SGCD: variants seen among roughly 807,000 people sequenced by gnomAD.
The protein encoded by SGCD is delta-sarcoglycan.
Under a neutral mutation model 36.6 loss-of-function variants are expected in SGCD, and 18 were observed. The ratio of observed to expected loss-of-function variants is 0.49; its 90% CI spans 0.34 to 0.73. The LOEUF (loss-of-function observed/expected upper bound fraction) is 0.73. Ranked by LOEUF, SGCD falls within the 30% of genes least tolerant of loss-of-function variation. The pLI is 0.01. For synonymous variants in SGCD, 133 were observed against 130.6 expected, an observed-to-expected ratio of 1.02 and a Z score of -0.12; for missense variants, 387 against 346.7, an observed-to-expected ratio of 1.12 and a Z score of -0.92.
chr5:155,934,671 C>G (rs554287997), intron 1 of SGCD, among the ~76,000 whole-genome samples: 1 of 152,292 alleles, frequency 6.6e-6, no homozygotes, highest in Admixed American at 6.5e-5. Context: ...TTTAACTGCT[C>G]AGCATCTGAA....
At chr5:156,079,276 C>A (rs1405484744) in intron 1 of SGCD, among the ~76,000 whole-genome samples, 1 of 152,142 alleles carries the variant, frequency 6.6e-6, no homozygotes, top group Non-Finnish European at 1.5e-5. Flanking sequence ...ATCCCTCCCA[C>A]CAGGCCCCAC....
At chr5:156,478,630 G>A (rs1755295061) in intron 3 of SGCD, among the ~76,000 whole-genome samples, 1 of 152,174 alleles carries the variant, frequency 6.6e-6, no homozygotes, top group Admixed American at 6.5e-5. Context: ...TCCCAGGCTG[G>A]AGTGCAATGG....
At chr5:155,772,816 C>T in the SGCD span, among the ~76,000 whole-genome samples, 1 of 152,030 alleles carries the variant, frequency 6.6e-6, no homozygotes, top group Non-Finnish European at 1.5e-5. Context: ...GTCCCAACTT[C>T]CTACTAACCC....
At chr5:156,702,201 T>G (rs1754554582) in intron 7 of SGCD, among the ~76,000 whole-genome samples, 1 of 152,198 alleles carries the variant, frequency 6.6e-6, no homozygotes. Context: ...GACTTAGTAC[T>G]TTAACTATTG....
At chr5:156,575,937 T>C (rs1455118120) in intron 4 of SGCD, among the ~76,000 whole-genome samples, 1 of 152,150 alleles carries the variant, frequency 6.6e-6, no homozygotes, top group South Asian at 2.1e-4. Context: ...CTCAAATTTT[T>C]TTAATACTTT....
chr5:156,241,995 A>C (rs1765317429), intron 3 of SGCD, among the ~76,000 whole-genome samples: 1 of 152,140 alleles, frequency 6.6e-6, no homozygotes, highest in Admixed American at 6.5e-5. Flanking sequence ...TTTCTCTGTG[A>C]GGGTACAGGC....
intron 1 of SGCD, among the ~76,000 whole-genome samples, chr5:156,057,801 A>G (rs1195925577): frequency 6.8e-6 from 1 of 146,290 alleles, no homozygotes; most frequent in Non-Finnish European, 1.5e-5. Context: ...AAAACATCAG[A>G]TATGTTTAAA....
the SGCD span, among the ~76,000 whole-genome samples, chr5:155,837,117 T>G: frequency 6.6e-6 from 1 of 152,202 alleles, no homozygotes; most frequent in African/African-American, 2.4e-5. Context: ...AGTGAACATA[T>G]GTTAATGGCT....
chr5:155,812,905 G>A, the SGCD span, among the ~76,000 whole-genome samples: 1 of 152,138 alleles, frequency 6.6e-6, no homozygotes, highest in Non-Finnish European at 1.5e-5. Flanking sequence ...AGGCATCACT[G>A]CAGTTGTGTT....
chr5:156,447,092 C>T (rs945938943), intron 3 of SGCD, among the ~76,000 whole-genome samples: 9 of 152,042 alleles, frequency 5.9e-5, no homozygotes, highest in Non-Finnish European at 7.4e-5. Flanking sequence ...TAACACAGGT[C>T]GTTAAAGGTC....
chr5:156,136,917 G>A (rs1762473151), intron 3 of SGCD, among the ~76,000 whole-genome samples: 1 of 152,102 alleles, frequency 6.6e-6, no homozygotes, highest in Non-Finnish European at 1.5e-5. Context: ...ATATAATTTT[G>A]TATTACATAA....
intron 3 of SGCD, among the ~76,000 whole-genome samples, chr5:156,164,612 C>T (rs1763169700): frequency 6.6e-6 from 1 of 152,148 alleles, no homozygotes. Context: ...ATATTTGGTT[C>T]TAGTATTGAA....
intron 3 of SGCD, among the ~76,000 whole-genome samples, chr5:156,169,887 AG>A (rs1763302336): frequency 6.6e-6 from 1 of 152,182 alleles, no homozygotes; most frequent in African/African-American, 2.4e-5. Flanking sequence ...TTCACACCAT[AG>A]AGAGCCTTAT....
chr5:156,321,312 C>T (rs751083742), intron 3 of SGCD, among the ~76,000 whole-genome samples: 12 of 151,960 alleles, frequency 7.9e-5, no homozygotes, highest in South Asian at 6.2e-4. Context: ...CCCAGCTACT[C>T]GGGAGGCTGA....
chr5:155,826,324 C>T, the SGCD span, among the ~76,000 whole-genome samples: 1 of 152,222 alleles, frequency 6.6e-6, no homozygotes, highest in Non-Finnish European at 1.5e-5. Context: ...CTTTTAAAAA[C>T]ATAAATGAGA....
At chr5:155,784,193 T>A in the SGCD span, among the ~76,000 whole-genome samples, 1 of 152,102 alleles carries the variant, frequency 6.6e-6, no homozygotes, top group Non-Finnish European at 1.5e-5. Flanking sequence ...CCTTGAGGGT[T>A]ACAGTGTTTT....
intron 8 of SGCD, chr5:156,758,152 C>A: frequency 4.1e-6 from 1 of 246,634 alleles, no homozygotes; most frequent in Non-Finnish European, 6.5e-6. Flanking sequence ...CAGAACAAGC[C>A]AAAACTTTAT....
At chr5:155,770,427 C>G in the SGCD span, among the ~76,000 whole-genome samples, 1 of 151,980 alleles carries the variant, frequency 6.6e-6, no homozygotes, top group Non-Finnish European at 1.5e-5. Flanking sequence ...AGCAGATGTT[C>G]AAAGACCTTG....
chr5:156,539,741 C>T (rs1581138229), intron 4 of SGCD, among the ~76,000 whole-genome samples: 1 of 152,046 alleles, frequency 6.6e-6, no homozygotes, highest in Non-Finnish European at 1.5e-5. Flanking sequence ...CTATCTTTTT[C>T]ATATAATGAT....
Sources: allele counts gnomAD v4.1 joint callset (sites outside exome capture counted in the v4.1 genomes callset), GRCh38; gene constraint gnomAD v4.1.1; transcripts MANE v1.5; gene names NCBI Gene and HGNC (gene_info 2026-07-23, HGNC 2026-07-21).